The following KCNS1 variants were observed in gnomAD, a reference collection of about 807,000 sequenced individuals.
The protein encoded by KCNS1 is potassium voltage-gated channel modifier subfamily S member 1.
Under a neutral mutation model 33.1 loss-of-function variants are expected in KCNS1, and 26 were observed. The ratio of observed to expected loss-of-function variants is 0.79; its 90% CI spans 0.58 to 1.09. KCNS1 has a LOEUF of 1.09. Among genes scored for constraint, KCNS1 ranks in the 50% least tolerant of loss-of-function variants. The pLI, the probability that KCNS1 is intolerant of heterozygous loss-of-function variation, is 0.00. For missense variants in KCNS1, 702 were observed against 752.4 expected (o/e 0.93, Z 0.78); for synonymous variants, 299 against 338.8 (o/e 0.88, Z 1.29).
rs1486124982 is a variant in KCNS1, at chr20:45,100,954, T to G, written c.-37A>C. 1.3e-5 allele frequency: 2 copies of G among 152,490 alleles called. No homozygotes were observed. The highest frequency in any genetic ancestry group is 3.9e-4 in the East Asian group (2 of 5,188). 9.4% of individuals were successfully genotyped at this position (152,490 alleles called of 1,614,324 possible). A position where few individuals can be genotyped will look rare whatever the true frequency, so the allele number is the denominator to read the frequency against. On this transcript the variant is annotated 5_prime_UTR_variant, in exon 1 of 4. Transcript: ENST00000537075. ...GCACCTCCCGGGCGCCTCGCGTGTC[T>G]GTCCCAAAGCCACCGAGGCTGGGAG...
Position 45,098,174 on chromosome 20 carries a change from C to A in KCNS1, c.598G>T (p.Gly200Cys), listed in dbSNP as rs768178246. The A allele has an allele frequency of 1.2e-6, 2 of 1,602,280 alleles. No homozygotes were observed. The highest frequency in any genetic ancestry group is 2.2e-5 in the South Asian group (2 of 89,524). ...AGCCAGAGGCGGCGGCGCAGGCGGC[C>A]ACAGCGCGCCGCGCCATAGCGCGCC... The part of the protein sequence containing the change: ...ELARYGAARC[G>C]RLRRRLWLTM... The change falls in exon 3 of 4, where the codon GGC becomes TGC. Residue 200 changes from glycine (G) to cysteine (C), a missense_variant. By Grantham distance (159) the Gly-to-Cys change is radical (BLOSUM62 -3). Coordinates refer to ENST00000537075, the MANE Select transcript of KCNS1 (RefSeq NM_001322799.2). This position sits in a 1 kb window ranked among gnomAD's most constrained non-coding sequence, Gnocchi z 5.2.
Position 45,091,282 on chromosome 20 carries a change from C to T in KCNS1, c.*3588G>A, listed in dbSNP as rs1018911303. 8.5e-5 allele frequency among the ~76,000 whole-genome samples: 13 copies of T among 152,160 alleles called. No individual in the cohort carries two copies. Among genetic ancestry groups the T allele is most frequent in the Non-Finnish European group, 8.8e-5 (6 of 68,034 alleles). On this transcript the variant is annotated 3_prime_UTR_variant, in exon 4 of 4. Transcript: ENST00000537075. ...CCTCCAACTGCCGCAAATACTAATA[C>T]GGTACCTTGCCCTCCATCCCTCCCA...
rs374752149 is a variant in KCNS1, at chr20:45,098,206, C to T, written c.566G>A (p.Arg189Gln). 13 of 1,604,896 alleles carry T rather than the reference C, an allele frequency of 8.1e-6. No homozygotes were observed. Among genetic ancestry groups the T allele is most frequent in the Middle Eastern group, 1.7e-4 (1 of 6,056 alleles). ...PCPDEISDVQ[R>Q]ELARYGAARC... is the part of the protein sequence containing the mutation. ...CGCCGCGCCATAGCGCGCCAGTTCTCGCTGCACGTCGGAGATCTCGTCGGG... is the reference window on the plus strand; with the variant it reads ...CGCCGCGCCATAGCGCGCCAGTTCTTGCTGCACGTCGGAGATCTCGTCGGG... The change falls in exon 3 of 4, where the codon CGA (arginine) becomes CAA (glutamine). Residue 189 changes from arginine (R) to glutamine (Q), a missense_variant. Physicochemically the swap from Arg to Gln is conservative, Grantham distance 43. Around this residue, in one of 3 missense-constraint regions of KCNS1, gnomAD observed 374 missense variants for 352.3 expected, o/e 1.06. Transcript: ENST00000537075. This position sits in a 1 kb window ranked among gnomAD's most constrained non-coding sequence, Gnocchi z 5.2.
Position 45,095,099 on chromosome 20 carries a change from A to G in KCNS1, c.1352T>C (p.Leu451Pro). 1 of 1,613,900 alleles carries G rather than the reference A, an allele frequency of 6.2e-7. No homozygotes were observed. The highest frequency in any genetic ancestry group is 8.5e-7 in the Non-Finnish European group (1 of 1,179,962). ...CILGGILVVA[L>P]PITIIFNKFS... ...CTTGTTGAAGATGATGGTGATGGGG[A>G]GTGCTACCACCAGGATGCCCCCTAG... Residue 451 changes from leucine (L) to proline (P), a missense_variant, in exon 4 of 4, where the codon CTC becomes CCC. Transcript: ENST00000537075.
chr20:45,093,404 T>C lies in KCNS1; in HGVS notation c.*1466A>G, dbSNP rs1003430089. On this transcript the variant is annotated 3_prime_UTR_variant, in exon 4 of 4. Transcript: ENST00000537075. ...AGGTCTCTCTCTGGCTATCTTTTTT[T>C]CCCCCTCTGAGCTTGGCACCCAGTG... 2.0e-5 allele frequency: 3 copies of C among 152,036 alleles called. No homozygotes were observed. Among genetic ancestry groups the C allele is most frequent in the Non-Finnish European group, 4.4e-5 (3 of 68,028 alleles). 9.4% of individuals were successfully genotyped at this position (152,036 alleles called of 1,614,324 possible). A position where few individuals can be genotyped will look rare whatever the true frequency, so the allele number is the denominator to read the frequency against.
chr20:45,100,758 G>C (rs1454309925), intron 1 of KCNS1, among the ~76,000 whole-genome samples, 163 bp downstream of exon 1: 2 of 152,156 alleles, frequency 1.3e-5, no homozygotes, highest in Admixed American at 6.5e-5. Flanking sequence ...TACCAGCCAG[G>C]GTCTCCAAAG....
At chr20:45,096,366 C>T (rs1464566359) in intron 3 of KCNS1, among the ~76,000 whole-genome samples, 2 of 152,172 alleles carry the variant, frequency 1.3e-5, no homozygotes, top group African/African-American at 2.4e-5. Flanking sequence ...GGCCCTGGCT[C>T]TCTGCATGGA....
In KCNS1 at chr20:45,094,901, G is replaced by A; in HGVS notation, c.1550C>T (p.Pro517Leu). 6.2e-7 allele frequency: 1 copy of A among 1,613,390 alleles called. No individual in the cohort carries two copies. Among genetic ancestry groups the A allele is most frequent in the Non-Finnish European group, 8.5e-7 (1 of 1,179,612 alleles). The change falls in exon 4 of 4, where the codon CCC becomes CTC. Residue 517 changes from proline to leucine, a missense_variant. By Grantham distance (98) the Pro-to-Leu change is moderately conservative. Coordinates refer to ENST00000537075, the MANE Select transcript of KCNS1 (RefSeq NM_001322799.2). ...CATCTGAGGGTGTGGAGGCTCACTGGGGGCCTGGCTCTCTAGATCTGCAGA... is the reference window on the plus strand; with the variant it reads ...CATCTGAGGGTGTGGAGGCTCACTGAGGGCCTGGCTCTCTAGATCTGCAGA... The part of the protein sequence containing the change: ...GQSADLESQA[P>L]SEPPHPQMY
chr20:45,094,837 A>AT lies in KCNS1; in HGVS notation c.*32_*33insA. ...TTAGCAGGGGAGGAATCTCTACTGT[A>AT]GGGGCATGGCAGGGGGTCACGGATC... On this transcript the variant is annotated 3_prime_UTR_variant, in exon 4 of 4. Transcript: ENST00000537075. The AT allele has an allele frequency of 3.3e-6, 5 of 1,533,570 alleles. No homozygotes were observed. The highest frequency in any genetic ancestry group is 4.5e-6 in the Non-Finnish European group (5 of 1,120,904). 95.0% of individuals were successfully genotyped at this position (1,533,570 alleles called of 1,614,324 possible). A position where few individuals can be genotyped will look rare whatever the true frequency, so the allele number is the denominator to read the frequency against.
chr20:45,099,734 G>T (rs1212340187), intron 1 of KCNS1, among the ~76,000 whole-genome samples: 4 of 152,162 alleles, frequency 2.6e-5, no homozygotes, highest in Admixed American at 2.0e-4. Context: ...GATGACTGGA[G>T]GATTAAGGTA....
chr20:45,092,739 C>A lies in KCNS1; in HGVS notation c.*2131G>T, dbSNP rs1981036872. 1 of 151,962 alleles carries A rather than the reference C, an allele frequency of 6.6e-6. No homozygotes were observed. Among genetic ancestry groups the A allele is most frequent in the Non-Finnish European group, 1.5e-5 (1 of 68,012 alleles). The allele number at this position is 151,962 out of a possible 1,614,324, so 9.4% of individuals were successfully genotyped here. On this transcript the variant is annotated 3_prime_UTR_variant, in exon 4 of 4. Transcript: ENST00000537075. ...TACTAGGCCCTGTGTATGACACACA[C>A]CTTCACACATGCCATTCTCTCTGCT...
chr20:45,098,419 T>C lies in KCNS1; in HGVS notation c.353A>G (p.Tyr118Cys). Residue 118 changes from tyrosine to cysteine, a missense_variant, in exon 3 of 4, where the codon TAC (tyrosine) becomes TGC (cysteine). By Grantham distance (194) the Tyr-to-Cys change is radical. Transcript: ENST00000537075. The surrounding 1 kb of genome is among the most constrained non-coding windows in gnomAD (Gnocchi z 5.2). Reference protein sequence around the residue: ...PGFFLSLLHFYRTGHLHVLDE... With the variant: ...PGFFLSLLHFCRTGHLHVLDE... ...GAGCACGTGCAGGTGGCCAGTGCGG[T>C]AGAAGTGCAGCAGGCTCAGGAAGAA... 6.3e-7 allele frequency: 1 copy of C among 1,596,964 alleles called. No individual in the cohort carries two copies. Among genetic ancestry groups the C allele is most frequent in the Non-Finnish European group, 8.5e-7 (1 of 1,172,358 alleles).
chr20:45,098,706 C>T lies in KCNS1; in HGVS notation c.77-11G>A. 1 of 1,389,284 alleles carries T rather than the reference C, an allele frequency of 7.2e-7. No individual in the cohort carries two copies. Among genetic ancestry groups the T allele is most frequent in the Non-Finnish European group, 9.3e-7 (1 of 1,071,780 alleles). The allele number at this position is 1,389,284 out of a possible 1,614,324, so 86.1% of individuals were successfully genotyped here. The stretch of plus-strand genomic sequence containing the variant: ...TTTCAGTGCTCCTCCCTGCGGACAC[C>T]AGAAGGGCGCGCTGAGGAGTTCCCG... On this transcript the variant is annotated splice_polypyrimidine_tract_variant and intron_variant, in intron 2 of 3. Coordinates refer to ENST00000537075, the MANE Select transcript of KCNS1 (RefSeq NM_001322799.2). The surrounding 1 kb of genome is among the most constrained non-coding windows in gnomAD (Gnocchi z 5.2).
At position 45,094,639 on chromosome 20, in the gene KCNS1, C is replaced by T. The variant is rs1224646818; in HGVS notation, c.*231G>A. On this transcript the variant is annotated 3_prime_UTR_variant, in exon 4 of 4. Coordinates refer to ENST00000537075, the MANE Select transcript of KCNS1 (RefSeq NM_001322799.2). ...TCCTCCCTCTGGCTCATGCCTGCTTCATGAATGGCTTGGAGGCAGGTTTAT... is the reference window on the plus strand; with the variant it reads ...TCCTCCCTCTGGCTCATGCCTGCTTTATGAATGGCTTGGAGGCAGGTTTAT... 1.9e-6 allele frequency: 1 copy of T among 517,438 alleles called. No individual in the cohort carries two copies. Among genetic ancestry groups the T allele is most frequent in the Admixed American group, 3.6e-5 (1 of 28,154 alleles). The allele number at this position is 517,438 out of a possible 1,614,324, so 32.1% of individuals were successfully genotyped here.
rs1981040246 is a variant in KCNS1 at position 45,092,795 on chromosome 20, T to C, written c.*2075A>G. Reference sequence around the variant, plus strand: ...TACTCCCCCCTGGAACCTCATTTGCTTAATTAGCAATTTATCATTTGGATG... The same window carrying C: ...TACTCCCCCCTGGAACCTCATTTGCCTAATTAGCAATTTATCATTTGGATG... On this transcript the variant is annotated 3_prime_UTR_variant, in exon 4 of 4. Coordinates refer to ENST00000537075, the MANE Select transcript of KCNS1 (RefSeq NM_001322799.2). 1 of 151,966 alleles carries C rather than the reference T, an allele frequency of 6.6e-6. No individual in the cohort carries two copies. The highest frequency in any genetic ancestry group is 1.5e-5 in the Non-Finnish European group (1 of 67,992). 9.4% of individuals were successfully genotyped at this position (151,966 alleles called of 1,614,324 possible). A position where few individuals can be genotyped will look rare whatever the true frequency, so the allele number is the denominator to read the frequency against.
In KCNS1 at chr20:45,098,665, A is replaced by G; in HGVS notation, c.107T>C (p.Phe36Ser). 6.9e-7 allele frequency: 1 copy of G among 1,452,648 alleles called. No homozygotes were observed. The highest frequency in any genetic ancestry group is 1.5e-5 in the South Asian group (1 of 66,932). The allele number at this position is 1,452,648 out of a possible 1,614,324, so 90.0% of individuals were successfully genotyped here. A position where few individuals can be genotyped will look rare whatever the true frequency, so the allele number is the denominator to read the frequency against. ...GCGGATCCCGGTGTCGGGGCCCGGGAACTCGCTCACAAAGGTTTCAGTGCT... is the reference window on the plus strand; with the variant it reads ...GCGGATCCCGGTGTCGGGGCCCGGGGACTCGCTCACAAAGGTTTCAGTGCT... ...GRSTETFVSE[F>S]PGPDTGIRWR... The change falls in exon 3 of 4, where the codon TTC (phenylalanine) becomes TCC (serine). Residue 36 changes from phenylalanine (F) to serine (S), a missense_variant. Phe to Ser is a radical substitution (Grantham distance 155). This residue lies in a region of KCNS1 where 374 missense variants were observed against 352.3 expected (regional missense o/e 1.06). Coordinates refer to ENST00000537075, the MANE Select transcript of KCNS1 (RefSeq NM_001322799.2). The surrounding 1 kb of genome is among the most constrained non-coding windows in gnomAD (Gnocchi z 5.2).
chr20:45,092,513 G>T lies in KCNS1; in HGVS notation c.*2357C>A, dbSNP rs910963886. 1 of 152,188 alleles carries T rather than the reference G, an allele frequency of 6.6e-6. No homozygotes were observed. Among genetic ancestry groups the T allele is most frequent in the African/African-American group, 2.4e-5 (1 of 41,432 alleles). 9.4% of individuals were successfully genotyped at this position (152,188 alleles called of 1,614,324 possible). ...GCCGTCGGGTTTCTTGGTGTGTTCT[G>T]CAAGACCATAAGGGTGCTACACGCA... On this transcript the variant is annotated 3_prime_UTR_variant, in exon 4 of 4. Coordinates refer to ENST00000537075, the MANE Select transcript of KCNS1 (RefSeq NM_001322799.2).
Position 45,098,716 on chromosome 20 carries a change from C to A in KCNS1, c.77-21G>T. The A allele has an allele frequency of 7.3e-7, 1 of 1,372,904 alleles. No individual in the cohort carries two copies. The allele number at this position is 1,372,904 out of a possible 1,614,324, so 85.0% of individuals were successfully genotyped here. On this transcript the variant is annotated intron_variant, in intron 2 of 3. Coordinates refer to ENST00000537075, the MANE Select transcript of KCNS1 (RefSeq NM_001322799.2). This position sits in a 1 kb window ranked among gnomAD's most constrained non-coding sequence, Gnocchi z 5.2. ...CCTCCCTGCGGACACCAGAAGGGCG[C>A]GCTGAGGAGTTCCCGGGCTTCCCTT...
chr20:45,095,466 G>T, intron 3 of KCNS1, 126 bp from the exon 4 acceptor site: 1 of 847,668 alleles, frequency 1.2e-6, no homozygotes, highest in Non-Finnish European at 1.8e-6. Context: ...TAGAGCTGGT[G>T]CTAAGGCCCA....
Sources: allele counts gnomAD v4.1 joint callset (sites outside exome capture counted in the v4.1 genomes callset), GRCh38; gene constraint gnomAD v4.1.1; regional missense constraint gnomAD v4.1.1; non-coding constraint Gnocchi (gnomAD v3.1); transcripts MANE v1.5; gene names NCBI Gene and HGNC (gene_info 2026-07-23, HGNC 2026-07-21).